VPS50: variants seen among roughly 807,000 people sequenced by gnomAD.
The protein encoded by VPS50 is syndetin.
In VPS50, 70 loss-of-function variants were observed where a neutral mutation model predicts 139.7. The ratio of observed to expected loss-of-function variants is 0.50; its 90% CI spans 0.41 to 0.61. VPS50 has a LOEUF of 0.61. Among genes scored for constraint, VPS50 ranks in the 20% least tolerant of loss-of-function variants. The probability of loss-of-function intolerance (pLI) is 0.00; values close to 1 mark genes in which losing one functional copy is unlikely to be tolerated. For missense variants in VPS50, 921 were observed against 1,133.7 expected (o/e 0.81, Z 2.69); for synonymous variants, 365 against 376.7 (o/e 0.97, Z 0.36).
chr7:93,272,356 C>T (rs1796034367), intron 10 of VPS50, among the ~76,000 whole-genome samples: 1 of 151,750 alleles, frequency 6.6e-6, no homozygotes, highest in Non-Finnish European at 1.5e-5. Context: ...AGATTCATTA[C>T]AAAACTATTA....
At position 93,237,339 on chromosome 7, in the gene VPS50, A is replaced by G. The variant is rs143135292; in HGVS notation, c.34-2527A>G. On this transcript the variant is annotated intron_variant, in intron 1 of 27. Transcript: ENST00000305866. ...AGATAAGTTGTTCAAAACCACAGCA[A>G]GAAAGTCAGGATACAAACTCAAGTG... 3.9e-5 allele frequency among the ~76,000 whole-genome samples: 6 copies of G among 152,314 alleles called. No individual in the cohort carries two copies. In the East Asian group the frequency reaches 9.7e-4, roughly 25 times the overall value.
chr7:93,320,322 C>CT (rs756872187), intron 20 of VPS50: 4,223 of 126,152 alleles, frequency 0.033, 75 homozygotes, highest in Non-Finnish European at 0.045. Context: ...TGCCCCCCGT[C>CT]TTTTTTTTTT....
At chr7:93,246,595 G>T (rs149146561) in intron 2 of VPS50, among the ~76,000 whole-genome samples, 7 of 151,898 alleles carry the variant, frequency 4.6e-5, no homozygotes, top group African/African-American at 1.7e-4. Context: ...CAAAATTGCA[G>T]AAAATATTGA....
At chr7:93,246,431 C>T (rs1285459756) in intron 2 of VPS50, among the ~76,000 whole-genome samples, 1 of 151,556 alleles carries the variant, frequency 6.6e-6, no homozygotes, top group Non-Finnish European at 1.5e-5. Flanking sequence ...GTGTGCATTT[C>T]ATTTTTTATT....
At chr7:93,289,197 G>C (rs190057352) in intron 12 of VPS50, among the ~76,000 whole-genome samples, 64 of 152,192 alleles carry the variant, frequency 4.2e-4, no homozygotes, top group African/African-American at 1.4e-3. Context: ...ATTGAGATTG[G>C]TGAGAATCTT....
At chr7:93,295,960 A>C (rs192182064) in intron 14 of VPS50, among the ~76,000 whole-genome samples, 27 of 152,314 alleles carry the variant, frequency 1.8e-4, no homozygotes, top group Non-Finnish European at 2.8e-4. Context: ...TCCTGGGCCC[A>C]AGTGATATTC....
chr7:93,252,534 A>G, intron 2 of VPS50, 119 bp from the exon 3 acceptor site: 2 of 687,032 alleles, frequency 2.9e-6, no homozygotes, highest in Non-Finnish European at 4.9e-6. Flanking sequence ...GTTGGTTTGT[A>G]TCCTTGGTCA....
chr7:93,257,977 C>T (rs192908277), intron 6 of VPS50, 182 bp from the exon 7 acceptor site: 66 of 453,122 alleles, frequency 1.5e-4, no homozygotes, highest in African/African-American at 4.9e-4. Flanking sequence ...CCAATCTTCT[C>T]GTGGTGTTCT....
At chr7:93,291,894 G>A (rs1008707442) in intron 13 of VPS50, 59 bp downstream of exon 13, 1 of 1,173,480 alleles carries the variant, frequency 8.5e-7, no homozygotes, top group Admixed American at 2.7e-5. Flanking sequence ...CACATTACTG[G>A]AGTAAGAAGA....
intron 12 of VPS50, among the ~76,000 whole-genome samples, chr7:93,280,694 C>T (rs1796298794): frequency 6.6e-6 from 1 of 151,572 alleles, no homozygotes; most frequent in African/African-American, 2.4e-5. Flanking sequence ...GATGGGTTTT[C>T]CTGGGGAGCT....
intron 9 of VPS50, among the ~76,000 whole-genome samples, chr7:93,265,811 C>A (rs953571773): frequency 6.6e-6 from 1 of 152,168 alleles, no homozygotes; most frequent in Non-Finnish European, 1.5e-5. Context: ...AGATGATCCA[C>A]CTGCCTCAGC....
intron 1 of VPS50, among the ~76,000 whole-genome samples, chr7:93,233,972 G>C (rs1794721201): frequency 1.3e-5 from 2 of 152,212 alleles, no homozygotes; most frequent in Admixed American, 6.5e-5. Flanking sequence ...TTGATGGTGG[G>C]AAAGCAGGAA....
At chr7:93,342,218 A>G (rs1798234344) in intron 23 of VPS50, among the ~76,000 whole-genome samples, 1 of 152,186 alleles carries the variant, frequency 6.6e-6, no homozygotes, top group African/African-American at 2.4e-5. Flanking sequence ...GTGGTGACAG[A>G]CGGCACCTGC....
chr7:93,305,959 C>A lies in VPS50; in HGVS notation c.1584C>A (p.Ala528=). 6.2e-7 allele frequency: 1 copy of A among 1,612,284 alleles called. No homozygotes were observed. The highest frequency in any genetic ancestry group is 8.5e-7 in the Non-Finnish European group (1 of 1,178,632). Residue 528 remains alanine, a synonymous_variant, in exon 18 of 28, where the codon GCC becomes GCA. Transcript: ENST00000305866. ...GTGGGAATCCATTTGAAATTCAGGC[C>A]AACCACAAAGATGAAGAAACAGAAG... ...CSGGNPFEIQ[A]NHKDEETEDV...
chr7:93,316,065 T>A (rs1180316863), intron 20 of VPS50, among the ~76,000 whole-genome samples: 1 of 152,212 alleles, frequency 6.6e-6, no homozygotes, highest in African/African-American at 2.4e-5. Flanking sequence ...AAGGACTGAC[T>A]CACTATGGGG....
chr7:93,248,168 A>G (rs1037403785), intron 2 of VPS50, among the ~76,000 whole-genome samples: 5 of 151,944 alleles, frequency 3.3e-5, no homozygotes, highest in African/African-American at 9.7e-5. Context: ...ATTTTATCCT[A>G]GACTTAGTTT....
Position 93,258,369 on chromosome 7 carries a change from G to A in VPS50, c.553G>A (p.Val185Ile), listed in dbSNP as rs1795555830. The A allele has an allele frequency of 1.2e-6, 2 of 1,613,022 alleles. No homozygotes were observed. Among genetic ancestry groups the A allele is most frequent in the Non-Finnish European group, 1.7e-6 (2 of 1,179,226 alleles). ...TTTGTTTTTTCAGCAAAGAACAGAT[G>A]TACGGTTAAGTGAAATGCTGGAGGT... ...RTIKTLQRTD[V>I]RLSEMLEEED... Residue 185 changes from valine (V) to isoleucine (I), a missense_variant, in exon 8 of 28, where the codon GTA becomes ATA. This residue lies in a region of VPS50 where 744 missense variants were observed against 930.6 expected (regional missense o/e 0.80). Transcript: ENST00000305866.
At chr7:93,266,232 T>C (rs1046234137) in intron 9 of VPS50, among the ~76,000 whole-genome samples, 1 of 152,190 alleles carries the variant, frequency 6.6e-6, no homozygotes, top group African/African-American at 2.4e-5. Flanking sequence ...CATGTACAAA[T>C]TGGGCAATTG....
At chr7:93,281,955 A>G (rs1331741859) in intron 12 of VPS50, among the ~76,000 whole-genome samples, 2 of 152,214 alleles carry the variant, frequency 1.3e-5, no homozygotes, top group East Asian at 1.9e-4. Flanking sequence ...CTGTAATCCC[A>G]GCACTTTGGG....
Sources: gnomAD v4.1 joint callset for allele counts (sites outside exome capture counted in the v4.1 genomes callset) on GRCh38, gnomAD v4.1.1 for gene constraint, gnomAD v4.1.1 regional missense constraint, MANE v1.5 for transcripts, NCBI Gene and HGNC (gene_info 2026-07-23, HGNC 2026-07-21) for gene names.